The following ST6GALNAC3 variants were observed in gnomAD, a reference collection of about 807,000 sequenced individuals.
ST6GALNAC3 encodes alpha-N-acetylgalactosaminide alpha-2,6-sialyltransferase 3.
Under a neutral mutation model 32.7 loss-of-function variants are expected in ST6GALNAC3, and 25 were observed. The ratio of observed to expected loss-of-function variants is 0.76; its 90% CI spans 0.56 to 1.07. ST6GALNAC3 has a LOEUF of 1.07. Among genes scored for constraint, ST6GALNAC3 ranks in the 50% least tolerant of loss-of-function variants. The pLI is 0.00. For synonymous variants in ST6GALNAC3, 129 were observed against 133.1 expected, an observed-to-expected ratio of 0.97 and a Z score of 0.21; for missense variants, 355 against 382.4, an observed-to-expected ratio of 0.93 and a Z score of 0.60.
At chr1:76,121,664 C>T (rs563058702) in intron 1 of ST6GALNAC3, among the ~76,000 whole-genome samples, 1 of 151,938 alleles carries the variant, frequency 6.6e-6, no homozygotes, top group Non-Finnish European at 1.5e-5. Context: ...AGCAGTGAGC[C>T]GAGATTGCGC....
chr1:76,311,143 T>C (rs1036953619), intron 1 of ST6GALNAC3, among the ~76,000 whole-genome samples: 3 of 152,108 alleles, frequency 2.0e-5, no homozygotes, highest in Non-Finnish European at 4.4e-5. Context: ...TTTTCATCCC[T>C]CATTACCTCT....
At chr1:76,603,311 A>G (rs1250307161) in intron 3 of ST6GALNAC3, among the ~76,000 whole-genome samples, 2 of 152,214 alleles carry the variant, frequency 1.3e-5, no homozygotes, top group Non-Finnish European at 2.9e-5. Context: ...AACTGGAATC[A>G]TCTCAAATAT....
At chr1:76,254,576 G>T (rs1362220830) in intron 1 of ST6GALNAC3, among the ~76,000 whole-genome samples, 1 of 152,050 alleles carries the variant, frequency 6.6e-6, no homozygotes, top group Non-Finnish European at 1.5e-5. Flanking sequence ...ACGATAGTTG[G>T]CTTTTAGTCT....
chr1:76,337,931 G>A (rs551877929), intron 2 of ST6GALNAC3, among the ~76,000 whole-genome samples: 43 of 152,238 alleles, frequency 2.8e-4, no homozygotes, highest in African/African-American at 1.0e-3. Context: ...ACATACTCAG[G>A]CAAGGCATTA....
chr1:76,276,900 G>A (rs1384986579), intron 1 of ST6GALNAC3, among the ~76,000 whole-genome samples: 1 of 152,044 alleles, frequency 6.6e-6, no homozygotes, highest in East Asian at 1.9e-4. Context: ...TACCATTTTG[G>A]CAAATCAATT....
intron 3 of ST6GALNAC3, among the ~76,000 whole-genome samples, chr1:76,619,561 T>C (rs1648506234): frequency 6.6e-6 from 1 of 152,178 alleles, no homozygotes; most frequent in African/African-American, 2.4e-5. Context: ...AAAACATAAT[T>C]CTGTCAATTT....
chr1:76,146,252 G>T (rs1650675448), intron 1 of ST6GALNAC3, among the ~76,000 whole-genome samples: 2 of 152,122 alleles, frequency 1.3e-5, no homozygotes. Flanking sequence ...ATCCCTTCAG[G>T]ATTGATTGCA....
chr1:76,227,913 G>T (rs1438843220), intron 1 of ST6GALNAC3, among the ~76,000 whole-genome samples: 2 of 152,160 alleles, frequency 1.3e-5, no homozygotes, highest in Non-Finnish European at 2.9e-5. Flanking sequence ...AGCTCCTTTT[G>T]TAAGGGATGT....
At chr1:76,394,520 T>A (rs1276952837) in intron 2 of ST6GALNAC3, among the ~76,000 whole-genome samples, 1 of 152,178 alleles carries the variant, frequency 6.6e-6, no homozygotes, top group Non-Finnish European at 1.5e-5. Flanking sequence ...AGAAAAGATA[T>A]GGCCACTATA....
At chr1:76,111,862 T>A (rs1236820184) in intron 1 of ST6GALNAC3, among the ~76,000 whole-genome samples, 2 of 152,010 alleles carry the variant, frequency 1.3e-5, no homozygotes, top group Non-Finnish European at 2.9e-5. Flanking sequence ...ACGGCAACCA[T>A]CTGATTTCTC....
At chr1:76,526,003 T>G (rs1662889554) in intron 3 of ST6GALNAC3, among the ~76,000 whole-genome samples, 1 of 151,306 alleles carries the variant, frequency 6.6e-6, no homozygotes, top group Non-Finnish European at 1.5e-5. Context: ...ACAAACTCAG[T>G]GGCTGTGCAA....
chr1:76,126,440 C>CTTCCTTCCTTCCTTCCTTCCTTTG (rs144548099), intron 1 of ST6GALNAC3, among the ~76,000 whole-genome samples: 2,739 of 147,434 alleles, frequency 0.019, 50 homozygotes, highest in Non-Finnish European at 0.025. Context: ...TCCTTCCTTC[C>CTTCCTTCCTTCCTTCCTTCCTTTG]TTCCTTCCTT....
chr1:76,096,067 T>C (rs931599259), intron 1 of ST6GALNAC3, among the ~76,000 whole-genome samples: 2 of 152,172 alleles, frequency 1.3e-5, no homozygotes, highest in African/African-American at 4.8e-5. Flanking sequence ...CTGCTGGTGG[T>C]GGGCCTGGTT....
chr1:76,237,476 T>C (rs1656723336), intron 1 of ST6GALNAC3, among the ~76,000 whole-genome samples: 1 of 152,156 alleles, frequency 6.6e-6, no homozygotes, highest in African/African-American at 2.4e-5. Context: ...AGCCTTTAGG[T>C]TCATTGAAGA....
intron 3 of ST6GALNAC3, among the ~76,000 whole-genome samples, chr1:76,416,030 C>G (rs1474594397): frequency 2.0e-5 from 2 of 99,680 alleles, no homozygotes. Context: ...CTGCTTTATT[C>G]CACAACACAC....
intron 3 of ST6GALNAC3, among the ~76,000 whole-genome samples, chr1:76,461,547 C>G (rs1658280537): frequency 6.6e-6 from 1 of 152,208 alleles, no homozygotes; most frequent in Non-Finnish European, 1.5e-5. Flanking sequence ...TCTCCAGAGA[C>G]TTTGGGCTGA....
intron 1 of ST6GALNAC3, among the ~76,000 whole-genome samples, chr1:76,259,532 T>C (rs1181650882): frequency 1.3e-5 from 2 of 152,214 alleles, no homozygotes; most frequent in Non-Finnish European, 2.9e-5. Context: ...TCCATCATCA[T>C]CATTCTCTAA....
chr1:76,516,091 T>C (rs1662154563), intron 3 of ST6GALNAC3, among the ~76,000 whole-genome samples: 1 of 152,202 alleles, frequency 6.6e-6, no homozygotes, highest in South Asian at 2.1e-4. Flanking sequence ...TGCTCCAAGC[T>C]GGCTGTGCAA....
intron 3 of ST6GALNAC3, among the ~76,000 whole-genome samples, chr1:76,600,920 C>T (rs907384695): frequency 1.2e-4 from 18 of 152,264 alleles, no homozygotes; most frequent in Admixed American, 9.8e-4. Context: ...TGGTCACTCA[C>T]GCCTGTAATC....
Sources: gnomAD v4.1 joint callset for allele counts (sites outside exome capture counted in the v4.1 genomes callset) on GRCh38, gnomAD v4.1.1 for gene constraint, MANE v1.5 for transcripts, NCBI Gene and HGNC (gene_info 2026-07-23, HGNC 2026-07-21) for gene names.